Variants in SUCO observed in about 807,000 individuals in gnomAD.
The protein encoded by SUCO is SUN domain containing ossification factor.
Under a neutral mutation model 148.1 loss-of-function variants are expected in SUCO, and 57 were observed. That is an observed-to-expected ratio of 0.38 (90% CI 0.31 to 0.48). The LOEUF (loss-of-function observed/expected upper bound fraction) is 0.48, where lower values mean the gene tolerates loss of function less well. Among genes scored for constraint, SUCO ranks in the 20% least tolerant of loss-of-function variants. The pLI, the probability that SUCO is intolerant of heterozygous loss-of-function variation, is 0.96. For synonymous variants in SUCO, 470 were observed against 502.7 expected (o/e 0.93, Z 0.87); for missense variants, 1,331 against 1,468.2 (o/e 0.91, Z 1.53).
chr1:172,556,495 T>C (rs1653771161), intron 4 of SUCO: 1 of 502,688 alleles, frequency 2.0e-6, no homozygotes, highest in Admixed American at 6.4e-5. Context: ...GAAAATTTGT[T>C]ATGTACTTCT....
chr1:172,540,678 A>G (rs1013251335), intron 1 of SUCO, among the ~76,000 whole-genome samples: 1 of 152,212 alleles, frequency 6.6e-6, no homozygotes, highest in Non-Finnish European at 1.5e-5. Flanking sequence ...CTTCTGTGCA[A>G]ACAGGAGCTT....
chr1:172,567,589 G>T (rs1448785172), intron 6 of SUCO, among the ~76,000 whole-genome samples: 1 of 151,990 alleles, frequency 6.6e-6, no homozygotes, highest in African/African-American at 2.4e-5. Flanking sequence ...CCACTGCTCT[G>T]TTTATAGTGA....
At chr1:172,584,569 T>G (rs1320353701) in intron 15 of SUCO, among the ~76,000 whole-genome samples, 1 of 152,106 alleles carries the variant, frequency 6.6e-6, no homozygotes, top group Admixed American at 6.5e-5. Flanking sequence ...GCTCAGGAGT[T>G]TGAGAGCAGC....
upstream of SUCO, chr1:172,532,708 G>C: frequency 6.2e-7 from 1 of 1,613,982 alleles, no homozygotes; most frequent in Non-Finnish European, 8.5e-7. Context: ...ATGGATTCTA[G>C]GAGGGACTGG....
At chr1:172,574,457 A>G (rs1489477427) in intron 10 of SUCO, among the ~76,000 whole-genome samples, 2 of 151,924 alleles carry the variant, frequency 1.3e-5, no homozygotes, top group East Asian at 3.8e-4. Flanking sequence ...TTTTTTGTAC[A>G]TGTGTGATTA....
intron 19 of SUCO, among the ~76,000 whole-genome samples, chr1:172,595,896 C>T (rs553452292): frequency 1.5e-3 from 225 of 152,292 alleles, no homozygotes; most frequent in African/African-American, 5.1e-3. Context: ...CCATTTTCCC[C>T]GTCACTTTCA....
At chr1:172,577,868 A>G in intron 13 of SUCO, 49 bp downstream of exon 13, 1 of 1,442,810 alleles carries the variant, frequency 6.9e-7, no homozygotes, top group Non-Finnish European at 9.6e-7. Flanking sequence ...AAATTGATAT[A>G]CAAAATTTTC....
At chr1:172,569,202 G>A in intron 7 of SUCO, 60 bp downstream of exon 7, 1 of 1,293,616 alleles carries the variant, frequency 7.7e-7, no homozygotes, top group Non-Finnish European at 1.0e-6. Flanking sequence ...AGTTTAATAT[G>A]CTTTCTTTTT....
Position 172,590,938 on chromosome 1 carries a change from A to T in SUCO, c.2826-46A>T, listed in dbSNP as rs1656608860. On this transcript the variant is annotated intron_variant, in intron 18 of 23. Coordinates refer to ENST00000263688, the MANE Select transcript of SUCO (RefSeq NM_014283.5). The stretch of plus-strand genomic sequence containing the variant: ...AAGTATGTTTCCATTACTAAGTGGA[A>T]TAAGTAAGAAATTAAAGCTGATTTA... 3 of 1,349,480 alleles carry T rather than the reference A, an allele frequency of 2.2e-6. No homozygotes were observed. In the African/African-American group the frequency reaches 4.4e-5, roughly 20 times the overall value. The allele number at this position is 1,349,480 out of a possible 1,614,324, so 83.6% of individuals were successfully genotyped here.
rs931693327 is a variant in SUCO, at chr1:172,611,226, G to A, written c.*967G>A. 9 of 152,500 alleles carry A rather than the reference G, an allele frequency of 5.9e-5. No individual in the cohort carries two copies. Among genetic ancestry groups the A allele is most frequent in the Non-Finnish European group, 1.3e-4 (9 of 68,026 alleles). 9.4% of individuals were successfully genotyped at this position (152,500 alleles called of 1,614,324 possible). On this transcript the variant is annotated 3_prime_UTR_variant, in exon 24 of 24. Transcript: ENST00000263688. ...TGAGTTTGTCAAGCTTAATCTAATT[G>A]GTTAAGTCTAAAGAGATTATTATTC... is the stretch of plus-strand genomic sequence containing the variant.
chr1:172,577,123 ATATGTG>A, intron 11 of SUCO: 5 of 377,302 alleles, frequency 1.3e-5, no homozygotes, highest in Non-Finnish European at 1.8e-5. Flanking sequence ...ATATATATGT[ATATGTG>A]CATATATATC....
At chr1:172,607,899 A>G (rs1657964546) in intron 22 of SUCO, among the ~76,000 whole-genome samples, 1 of 152,022 alleles carries the variant, frequency 6.6e-6, no homozygotes, top group African/African-American at 2.4e-5. Context: ...AATTGTATTA[A>G]TAAATTTCCC....
At chr1:172,568,901 TATAATC>T in intron 6 of SUCO, 112 bp from the exon 7 acceptor site, 1 of 987,908 alleles carries the variant, frequency 1.0e-6, no homozygotes, top group African/African-American at 1.7e-5. Flanking sequence ...TTTTTCAAAA[TATAATC>T]ATTCATTATA....
intron 22 of SUCO, 64 bp downstream of exon 22, chr1:172,602,851 A>T: frequency 7.3e-7 from 1 of 1,377,486 alleles, no homozygotes; most frequent in Non-Finnish European, 1.0e-6. Flanking sequence ...GCATAAATAT[A>T]ATGTCAGTGT....
chr1:172,532,608 C>G, upstream of SUCO: 1 of 1,614,002 alleles, frequency 6.2e-7, no homozygotes, highest in Non-Finnish European at 8.5e-7. Context: ...ATTCCACGAA[C>G]TGTGCTCAAA....
chr1:172,540,494 G>A (rs1006865960), intron 1 of SUCO, among the ~76,000 whole-genome samples: 1 of 152,156 alleles, frequency 6.6e-6, no homozygotes, highest in Non-Finnish European at 1.5e-5. Context: ...TGTATTAGGT[G>A]AACTCAGTTT....
intron 4 of SUCO, chr1:172,556,738 TAA>T: frequency 2.4e-5 from 24 of 984,698 alleles, no homozygotes; most frequent in Non-Finnish European, 2.8e-5. Context: ...TGTTGAGAAA[TAA>T]TGATAGTATT....
At chr1:172,594,921 A>G (rs1656978018) in intron 19 of SUCO, among the ~76,000 whole-genome samples, 1 of 152,038 alleles carries the variant, frequency 6.6e-6, no homozygotes, top group African/African-American at 2.4e-5. Flanking sequence ...GTCTCATTGT[A>G]CATTGTAGGT....
At position 172,533,235 on chromosome 1, in the gene SUCO, C is replaced by T. The variant is rs1008699275; in HGVS notation, c.-201C>T. 1.3e-5 allele frequency: 20 copies of T among 1,545,944 alleles called. No homozygotes were observed. The highest frequency in any genetic ancestry group is 1.4e-5 in the Non-Finnish European group (16 of 1,145,908). On this transcript the variant is annotated 5_prime_UTR_variant, in exon 1 of 24. Coordinates refer to ENST00000263688, the MANE Select transcript of SUCO (RefSeq NM_014283.5). ...GCGGTCCCCGGAGTCCTGTGAAGCGCCCCTGTCCGCGCCTCTGTGGGGCCC... is the reference window on the plus strand; with the variant it reads ...GCGGTCCCCGGAGTCCTGTGAAGCGTCCCTGTCCGCGCCTCTGTGGGGCCC...
Sources: allele counts gnomAD v4.1 joint callset (sites outside exome capture counted in the v4.1 genomes callset), GRCh38; gene constraint gnomAD v4.1.1; transcripts MANE v1.5; gene names NCBI Gene and HGNC (gene_info 2026-07-23, HGNC 2026-07-21).